Variants in SI observed in about 807,000 individuals in gnomAD.
SI encodes the protein sucrase-isomaltase, intestinal.
In SI, 235 loss-of-function variants were observed where a neutral mutation model predicts 253.3. The ratio of observed to expected loss-of-function variants is 0.93; its 90% CI spans 0.83 to 1.03. SI has a LOEUF of 1.03. Ranked by LOEUF, SI falls within the 50% of genes least tolerant of loss-of-function variation. The pLI, the probability that SI is intolerant of heterozygous loss-of-function variation, is 0.00. For synonymous variants in SI, 819 were observed against 712.0 expected, an observed-to-expected ratio of 1.15 and a Z score of -2.39; for missense variants, 2,442 against 2,211.1, an observed-to-expected ratio of 1.10 and a Z score of -2.09.
At chr3:165,010,818 C>T (rs748642728) in intron 34 of SI, among the ~76,000 whole-genome samples, 4 of 152,126 alleles carry the variant, frequency 2.6e-5, no homozygotes, top group Admixed American at 1.3e-4. Flanking sequence ...AGCCATTCTA[C>T]GTAAATTGAC....
chr3:165,067,662 A>T (rs1485334433), intron 5 of SI, among the ~76,000 whole-genome samples, 171 bp from the exon 6 acceptor site: 1 of 152,090 alleles, frequency 6.6e-6, no homozygotes, highest in Non-Finnish European at 1.5e-5. Flanking sequence ...CTATGCACAG[A>T]AAAAGTGTAT....
At chr3:165,016,930 G>T (rs982130836) in intron 31 of SI, among the ~76,000 whole-genome samples, 22 of 151,638 alleles carry the variant, frequency 1.5e-4, no homozygotes, top group African/African-American at 4.8e-4. Flanking sequence ...TTATAATGAG[G>T]TTTTTCTGAT....
At chr3:164,990,022 C>A (rs1173145171) in intron 44 of SI, among the ~76,000 whole-genome samples, 3 of 152,060 alleles carry the variant, frequency 2.0e-5, no homozygotes, top group African/African-American at 7.2e-5. Flanking sequence ...TTTGTTTAGA[C>A]CCAGAGAATT....
chr3:165,006,683 G>A (rs1364058125), intron 37 of SI, 133 bp downstream of exon 37: 10 of 711,800 alleles, frequency 1.4e-5, no homozygotes, highest in South Asian at 3.6e-5. Flanking sequence ...TGCTATGAAG[G>A]AAGAAGTTAC....
chr3:165,084,431 C>A, the SI span, among the ~76,000 whole-genome samples: 1 of 151,960 alleles, frequency 6.6e-6, no homozygotes, highest in Non-Finnish European at 1.5e-5. Context: ...AAAAAACATT[C>A]TTTAATCTTC....
At position 165,036,471 on chromosome 3, in the gene SI, C is replaced by G. The variant is rs531574699; in HGVS notation, c.2433G>C (p.Lys811Asn). 1 of 1,609,954 alleles carries G rather than the reference C, an allele frequency of 6.2e-7. No homozygotes were observed. The highest frequency in any genetic ancestry group is 8.5e-7 in the Non-Finnish European group (1 of 1,177,108). The part of the protein sequence containing the change: ...EPDVTTTASR[K>N]NPLGLIVALG... ...ATGCGACTATAAGTCCTAGAGGATT[C>G]TTACGGCTGTTAAGAAAAATTAGGT... Residue 811 changes from lysine to asparagine, a missense_variant, in exon 22 of 48, where the codon AAG becomes AAC. Coordinates refer to ENST00000264382, the MANE Select transcript of SI (RefSeq NM_001041.4).
At chr3:165,039,225 A>G (rs558926397) in intron 19 of SI, 91 bp from the exon 20 acceptor site, 2 of 812,986 alleles carry the variant, frequency 2.5e-6, no homozygotes, top group African/African-American at 1.7e-5. Context: ...AGTCAAGGGA[A>G]AAAAACTTTA....
rs559700544 is a variant in SI at position 165,038,498 on chromosome 3, A to C, written c.2302-474T>G. Reference sequence around the variant, plus strand: ...GCCATGGCGGGCGGATCACAAGGTCAGGAGATCGAGACTATCCTGGCCAAC... The same window carrying C: ...GCCATGGCGGGCGGATCACAAGGTCCGGAGATCGAGACTATCCTGGCCAAC... On this transcript the variant is annotated intron_variant, in intron 20 of 47. Transcript: ENST00000264382. Among the ~76,000 whole-genome samples, 34 of 151,662 alleles carry C rather than the reference A, an allele frequency of 2.2e-4. No homozygotes were observed. The South Asian group carries it at 6.9e-3, about 31-fold the overall frequency.
the SI span, among the ~76,000 whole-genome samples, chr3:165,089,522 G>A: frequency 1.3e-5 from 2 of 152,146 alleles, no homozygotes; most frequent in Admixed American, 1.3e-4. Context: ...TCTGAGGGTG[G>A]GGAGCAGGAG....
At chr3:164,986,660 G>T (rs572296252) in intron 45 of SI, among the ~76,000 whole-genome samples, 1 of 152,242 alleles carries the variant, frequency 6.6e-6, no homozygotes, top group South Asian at 2.1e-4. Flanking sequence ...ACATATGTTT[G>T]TTATGCTTTT....
intron 3 of SI, among the ~76,000 whole-genome samples, chr3:165,071,164 A>G (rs955943468): frequency 6.6e-6 from 1 of 152,098 alleles, no homozygotes; most frequent in Non-Finnish European, 1.5e-5. Context: ...TGCGATTCCA[A>G]GTAGACACGA....
intron 43 of SI, 112 bp downstream of exon 43, chr3:164,992,065 T>C (rs1717758666): frequency 1.1e-6 from 1 of 896,676 alleles, no homozygotes; most frequent in East Asian, 2.4e-5. Context: ...TATGTTACTT[T>C]CCACTCTTTT....
At chr3:165,038,075 C>G (rs377183857) in intron 20 of SI, 51 bp from the exon 21 acceptor site, 3 of 1,490,670 alleles carry the variant, frequency 2.0e-6, no homozygotes, top group Non-Finnish European at 9.3e-7. Flanking sequence ...AGACTTTAAA[C>G]TCTATTTCAC....
intron 34 of SI, among the ~76,000 whole-genome samples, chr3:165,011,793 TATTA>T (rs995013753): frequency 3.3e-5 from 5 of 149,422 alleles, no homozygotes; most frequent in Non-Finnish European, 5.9e-5. Context: ...ATTATTTATT[TATTA>T]TTGTTCTATT....
In SI at chr3:165,019,716, C is replaced by T. The variant is rs765589827; in HGVS notation, c.3309G>A (p.Ser1103=). 6.0e-5 allele frequency: 97 copies of T among 1,612,334 alleles called. No individual in the cohort carries two copies. In the South Asian group the frequency reaches 8.5e-4, roughly 14 times the overall value. ...FAFNDQFIQI[S]TRLPSEYIYG... ...ATATATATTCTGATGGCAGGCGAGT[C>T]GATATTTGAATGAACTGGTCATTAA... The change falls in exon 28 of 48, where the codon TCG becomes TCA. Residue 1103 remains serine, a synonymous_variant. Transcript: ENST00000264382.
chr3:165,016,257 AAAGTATTCT>A (rs1719021818), intron 31 of SI, among the ~76,000 whole-genome samples, 177 bp from the exon 32 acceptor site: 2 of 152,072 alleles, frequency 1.3e-5, no homozygotes, highest in South Asian at 4.1e-4. Flanking sequence ...GTAAAGATGT[AAAGTATTCT>A]AAGAACAACT....
intron 25 of SI, 66 bp from the exon 26 acceptor site, chr3:165,023,842 T>A: frequency 1.8e-6 from 2 of 1,102,474 alleles, no homozygotes; most frequent in Non-Finnish European, 2.8e-6. Context: ...TCTTTAAAAT[T>A]ATACTGACGT....
At chr3:165,045,646 T>A (rs1192779575) in intron 16 of SI, among the ~76,000 whole-genome samples, 1 of 151,944 alleles carries the variant, frequency 6.6e-6, no homozygotes, top group Non-Finnish European at 1.5e-5. Flanking sequence ...ACTTTTTAAA[T>A]TCATGCACTT....
In SI at chr3:164,982,316, G is replaced by A; in HGVS notation, c.5342C>T (p.Pro1781Leu). The stretch of plus-strand genomic sequence containing the variant: ...ATACGTTAGAGTAACTGCATTGACA[G>A]GAGTAGTTCCTTTCCCCCATACATG... ...SLHVWGKGTT[P>L]VNAVTLTYNG... Residue 1781 changes from proline to leucine, a missense_variant, in exon 47 of 48, where the codon CCT becomes CTT. Physicochemically the swap from Pro to Leu is moderately conservative, Grantham distance 98. Coordinates refer to ENST00000264382, the MANE Select transcript of SI (RefSeq NM_001041.4). 3.1e-6 allele frequency: 5 copies of A among 1,612,904 alleles called. No homozygotes were observed. Among genetic ancestry groups the A allele is most frequent in the Non-Finnish European group, 4.2e-6 (5 of 1,179,256 alleles).
Sources: gnomAD v4.1 joint callset for allele counts (sites outside exome capture counted in the v4.1 genomes callset) on GRCh38, gnomAD v4.1.1 for gene constraint, MANE v1.5 for transcripts, NCBI Gene and HGNC (gene_info 2026-07-23, HGNC 2026-07-21) for gene names.